The following PLXNA4 variants were observed in gnomAD, a reference collection of about 807,000 sequenced individuals.
PLXNA4 encodes the protein plexin A4.
A neutral mutation model predicts 191.8 loss-of-function variants in PLXNA4; 44 were observed. The ratio of observed to expected loss-of-function variants is 0.23; its 90% confidence interval spans 0.18 to 0.29. The LOEUF (loss-of-function observed/expected upper bound fraction) is 0.29, where lower values mean the gene tolerates loss of function less well. PLXNA4 is among the 10% of genes least tolerant of loss of function. The pLI, the probability that PLXNA4 is intolerant of heterozygous loss-of-function variation, is 1.00. For synonymous variants in PLXNA4, 1,082 were observed against 1,009.5 expected (o/e 1.07, Z -1.36); for missense variants, 1,800 against 2,488.8 (o/e 0.72, Z 5.89).
At chr7:132,228,967 AC>A (rs1798430565) in intron 5 of PLXNA4, among the ~76,000 whole-genome samples, 1 of 151,924 alleles carries the variant, frequency 6.6e-6, no homozygotes, top group Non-Finnish European at 1.5e-5. Context: ...TCTCCTGCCC[AC>A]CCTAGGCAAA....
chr7:132,221,972 C>G (rs1798160487), intron 9 of PLXNA4, among the ~76,000 whole-genome samples: 1 of 152,176 alleles, frequency 6.6e-6, no homozygotes, highest in African/African-American at 2.4e-5. Context: ...GCAAGGAGGT[C>G]CAAGAATAAA....
intron 3 of PLXNA4, among the ~76,000 whole-genome samples, chr7:132,483,125 G>A (rs1797405125): frequency 6.6e-6 from 1 of 152,190 alleles, no homozygotes; most frequent in Admixed American, 6.5e-5. Flanking sequence ...GAACAAGTAT[G>A]GACTTTCAGC....
At chr7:132,589,200 G>A (rs1238070798) in intron 2 of PLXNA4, among the ~76,000 whole-genome samples, 2 of 152,090 alleles carry the variant, frequency 1.3e-5, no homozygotes, top group Admixed American at 6.6e-5. Flanking sequence ...GGGACAAAAC[G>A]GTAAACAAAT....
At chr7:132,200,072 T>A (rs1763007585) in intron 12 of PLXNA4, among the ~76,000 whole-genome samples, 1 of 152,202 alleles carries the variant, frequency 6.6e-6, no homozygotes, top group African/African-American at 2.4e-5. Flanking sequence ...AGTGTCTCCA[T>A]GATATTCTAG....
At chr7:132,137,816 T>C (rs1417238028) in intron 30 of PLXNA4, among the ~76,000 whole-genome samples, 3 of 150,062 alleles carry the variant, frequency 2.0e-5, no homozygotes, top group Admixed American at 1.3e-4. Flanking sequence ...GGAGGATGGA[T>C]GGGAGGACAG....
chr7:132,578,252 T>C (rs950567086), upstream of PLXNA4, among the ~76,000 whole-genome samples: 2 of 151,844 alleles, frequency 1.3e-5, no homozygotes, highest in African/African-American at 4.8e-5. Context: ...GCCACCCTCA[T>C]CCTCATACCC....
intron 1 of PLXNA4, among the ~76,000 whole-genome samples, chr7:132,565,946 G>T (rs1362427900): frequency 2.0e-5 from 3 of 152,160 alleles, no homozygotes; most frequent in African/African-American, 7.2e-5. Flanking sequence ...ATCATAGCAA[G>T]ATATTTTTAA....
chr7:132,438,489 C>T (rs1306550987), intron 3 of PLXNA4, among the ~76,000 whole-genome samples: 1 of 152,192 alleles, frequency 6.6e-6, no homozygotes, highest in African/African-American at 2.4e-5. Flanking sequence ...TCATATTACC[C>T]AGTTAAACAG....
intron 3 of PLXNA4, among the ~76,000 whole-genome samples, chr7:132,339,147 G>A (rs959198123): frequency 6.6e-6 from 1 of 152,134 alleles, no homozygotes; most frequent in Admixed American, 6.5e-5. Context: ...AGGGTAAATG[G>A]CATTCTTGCC....
chr7:132,504,919 G>A (rs1048933757), intron 2 of PLXNA4, among the ~76,000 whole-genome samples: 6 of 152,310 alleles, frequency 3.9e-5, no homozygotes, highest in Admixed American at 3.3e-4. Flanking sequence ...GGCCGATGTC[G>A]CACGAAACAC....
intron 3 of PLXNA4, among the ~76,000 whole-genome samples, chr7:132,481,041 G>A (rs58836036): frequency 0.051 from 7,690 of 152,152 alleles, 535 homozygotes; most frequent in East Asian, 0.28. Context: ...GCTGCAGAAG[G>A]GTGGATGAGA....
At chr7:132,633,281 C>CT (rs1803528478) in intron 2 of PLXNA4, among the ~76,000 whole-genome samples, 2 of 133,286 alleles carry the variant, frequency 1.5e-5, no homozygotes, top group African/African-American at 6.0e-5. Flanking sequence ...TTGAGGTTCT[C>CT]ATTTTTTTTT....
At chr7:132,607,733 T>C (rs964967374) in intron 2 of PLXNA4, among the ~76,000 whole-genome samples, 1 of 152,192 alleles carries the variant, frequency 6.6e-6, no homozygotes, top group African/African-American at 2.4e-5. Flanking sequence ...AGAAGCATTA[T>C]GTTCTGGAAA....
At chr7:132,561,586 C>T in intron 1 of PLXNA4, among the ~76,000 whole-genome samples, 1 of 123,350 alleles carries the variant, frequency 8.1e-6, no homozygotes, top group African/African-American at 3.2e-5. Context: ...TCCTCCTCTT[C>T]CTCCTTCTCT....
chr7:132,133,971 C>T (rs1197102406), intron 30 of PLXNA4, among the ~76,000 whole-genome samples: 5 of 152,158 alleles, frequency 3.3e-5, no homozygotes, highest in African/African-American at 7.2e-5. Flanking sequence ...AACCTCAAGG[C>T]CTTGTGGTGG....
intron 14 of PLXNA4, among the ~76,000 whole-genome samples, chr7:132,189,700 T>A (rs1049574619): frequency 2.0e-5 from 3 of 152,084 alleles, no homozygotes; most frequent in African/African-American, 4.8e-5. Context: ...GCCTGGTAGA[T>A]GAGAAGGCCA....
At chr7:132,144,276 T>C (rs1284430848) in intron 29 of PLXNA4, among the ~76,000 whole-genome samples, 1 of 152,178 alleles carries the variant, frequency 6.6e-6, no homozygotes, top group Non-Finnish European at 1.5e-5. Context: ...ATCTCATCAA[T>C]AATTATTGAG....
At chr7:132,288,557 T>C (rs1367329642) in intron 4 of PLXNA4, among the ~76,000 whole-genome samples, 1 of 152,198 alleles carries the variant, frequency 6.6e-6, no homozygotes, top group Non-Finnish European at 1.5e-5. Context: ...TCCTCAGCCC[T>C]GTGCTTCAAG....
chr7:132,396,293 G>A (rs963069678), intron 3 of PLXNA4, among the ~76,000 whole-genome samples: 18 of 152,084 alleles, frequency 1.2e-4, no homozygotes, highest in African/African-American at 3.6e-4. Context: ...TGGAAGTTTC[G>A]GAAAGAGATG....
Sources: allele counts gnomAD v4.1 joint callset (sites outside exome capture counted in the v4.1 genomes callset), GRCh38; gene constraint gnomAD v4.1.1; transcripts MANE v1.5; gene names NCBI Gene and HGNC (gene_info 2026-07-23, HGNC 2026-07-21).